FECH: variants seen among roughly 807,000 people sequenced by gnomAD.
The protein encoded by FECH is ferrochelatase, also known as ferrochelatase, mitochondrial.
In FECH, 40 loss-of-function variants were observed where a neutral mutation model predicts 56.9. The observed-to-expected ratio is 0.70, with a 90% CI of 0.55 to 0.92. FECH has a LOEUF of 0.92. FECH is among the 40% of genes least tolerant of loss of function. FECH has a pLI of 0.00. For synonymous variants in FECH, 175 were observed against 198.6 expected (o/e 0.88, Z 1.00); for missense variants, 431 against 529.1 (o/e 0.81, Z 1.82).
chr18:57,570,058 T>C (rs1179596924), intron 4 of FECH, among the ~76,000 whole-genome samples: 3 of 111,938 alleles, frequency 2.7e-5, no homozygotes, highest in African/African-American at 8.5e-5. Context: ...TGTGTGTGTG[T>C]GTGTGTGTGT....
At chr18:57,580,224 A>G (rs1265811040) in intron 1 of FECH, 25 bp from the exon 2 acceptor site, 1 of 1,614,066 alleles carries the variant, frequency 6.2e-7, no homozygotes, top group South Asian at 1.1e-5. Context: ...AAGTGCTCGC[A>G]TGAAATCTAG....
Position 57,548,617 on chromosome 18 carries a change from CA to C in FECH, c.*2094del, listed in dbSNP as rs1367170281. The stretch of plus-strand genomic sequence containing the variant: ...AAGCTCTAAAAAGATTTTGTCCTAC[CA>C]AACACTAGCCTAATGTATGACCGTT... On this transcript the variant is annotated 3_prime_UTR_variant, in exon 11 of 11. Coordinates refer to ENST00000262093, the MANE Select transcript of FECH (RefSeq NM_000140.5). 6.6e-6 allele frequency: 1 copy of C among 152,218 alleles called. No homozygotes were observed. Among genetic ancestry groups the C allele is most frequent in the Non-Finnish European group, 1.5e-5 (1 of 68,034 alleles). 9.4% of individuals were successfully genotyped at this position (152,218 alleles called of 1,614,324 possible).
rs2050757571 is a variant in FECH, at chr18:57,548,958, G to A, written c.*1754C>T. On this transcript the variant is annotated 3_prime_UTR_variant, in exon 11 of 11. Coordinates refer to ENST00000262093, the MANE Select transcript of FECH (RefSeq NM_000140.5). ...CTTGGGAAATATCCTTAAGGGGAGA[G>A]AGTGGCTCCAAAAATAACCTTCCTT... 6.6e-6 allele frequency: 1 copy of A among 152,112 alleles called. No homozygotes were observed. The highest frequency in any genetic ancestry group is 1.5e-5 in the Non-Finnish European group (1 of 68,044). 9.4% of individuals were successfully genotyped at this position (152,112 alleles called of 1,614,324 possible).
intron 8 of FECH, 35 bp downstream of exon 8, chr18:57,554,810 A>C: frequency 7.8e-6 from 12 of 1,538,382 alleles, no homozygotes; most frequent in Non-Finnish European, 9.0e-6. Flanking sequence ...TTTACCAATA[A>C]GAGCTGGCCG....
intron 2 of FECH, among the ~76,000 whole-genome samples, chr18:57,579,327 C>T (rs1389215026): frequency 1.4e-5 from 2 of 139,580 alleles, no homozygotes; most frequent in African/African-American, 2.7e-5. Flanking sequence ...ATATTCATAC[C>T]TGTATAATTT....
At chr18:57,572,537 AGG>A (rs2051125774) in intron 3 of FECH, among the ~76,000 whole-genome samples, 1 of 104,138 alleles carries the variant, frequency 9.6e-6, no homozygotes, top group African/African-American at 3.6e-5. Context: ...AAAAAAAAAA[AGG>A]AAAGTTTCAA....
At chr18:57,554,151 G>A in intron 9 of FECH, 109 bp downstream of exon 9, 1 of 1,207,906 alleles carries the variant, frequency 8.3e-7, no homozygotes, top group Non-Finnish European at 1.2e-6. Flanking sequence ...CACCGTACAT[G>A]CAAACAAATA....
intron 7 of FECH, among the ~76,000 whole-genome samples, chr18:57,556,502 G>T (rs2050868975): frequency 6.6e-6 from 1 of 152,200 alleles, no homozygotes; most frequent in Non-Finnish European, 1.5e-5. Flanking sequence ...CCGCACCCCT[G>T]TGGGTTCTTG....
rs1415542093 is a variant in FECH, at chr18:57,573,025, G to A, written c.314+221C>T. On this transcript the variant is annotated intron_variant, in intron 3 of 10. Coordinates refer to ENST00000262093, the MANE Select transcript of FECH (RefSeq NM_000140.5). The stretch of plus-strand genomic sequence containing the variant: ...GACAACTGCAATTTCCAGGGCTCTG[G>A]GGAGCAAAGGGCTCAAGGAGAATCC... 4 of 573,360 alleles carry A rather than the reference G, an allele frequency of 7.0e-6. No individual in the cohort carries two copies. In the East Asian group the frequency reaches 1.2e-4, roughly 17 times the overall value. The allele number at this position is 573,360 out of a possible 1,614,324, so 35.5% of individuals were successfully genotyped here. A position where few individuals can be genotyped will look rare whatever the true frequency, so the allele number is the denominator to read the frequency against.
chr18:57,554,496 C>A lies in FECH; in HGVS notation c.913-72G>T, dbSNP rs1192628164. 10 of 1,521,142 alleles carry A rather than the reference C, an allele frequency of 6.6e-6. No homozygotes were observed. The South Asian group carries it at 7.9e-5, about 12-fold the overall frequency. The allele number at this position is 1,521,142 out of a possible 1,614,324, so 94.2% of individuals were successfully genotyped here. A position where few individuals can be genotyped will look rare whatever the true frequency, so the allele number is the denominator to read the frequency against. Reference sequence around the variant, plus strand: ...GGTCTGTAGTACCCCTGTTTGCCCCCCTGGGCACACGCACTGCCCACTGCG... The same window carrying A: ...GGTCTGTAGTACCCCTGTTTGCCCCACTGGGCACACGCACTGCCCACTGCG... On this transcript the variant is annotated intron_variant, in intron 8 of 10. Transcript: ENST00000262093.
chr18:57,545,866 A>G lies in FECH; in HGVS notation c.*4846T>C, dbSNP rs1407843048. ...AAAATGATCAAAATTTTAGATATGC[A>G]GGATAAATATGTTCTGGGGATCTAA... is the stretch of plus-strand genomic sequence containing the variant. On this transcript the variant is annotated 3_prime_UTR_variant, in exon 11 of 11. Coordinates refer to ENST00000262093, the MANE Select transcript of FECH (RefSeq NM_000140.5). Among the ~76,000 whole-genome samples, 1 of 152,232 alleles carries G rather than the reference A, an allele frequency of 6.6e-6. No homozygotes were observed. Among genetic ancestry groups the G allele is most frequent in the East Asian group, 1.9e-4 (1 of 5,202 alleles).
At position 57,586,624 on chromosome 18, in the gene FECH, C is replaced by CT. The variant is rs1474232694; in HGVS notation, c.-5dup. 2 of 1,516,410 alleles carry CT rather than the reference C, an allele frequency of 1.3e-6. No individual in the cohort carries two copies. The highest frequency in any genetic ancestry group is 1.8e-6 in the Non-Finnish European group (2 of 1,138,692). The allele number at this position is 1,516,410 out of a possible 1,614,324, so 93.9% of individuals were successfully genotyped here. A position where few individuals can be genotyped will look rare whatever the true frequency, so the allele number is the denominator to read the frequency against. The stretch of plus-strand genomic sequence containing the variant: ...TGTTTGCGCCGAGTGAACGCATTGC[C>CT]TGGGCAGCCTCGGCCCGAGTCCGGG... On this transcript the variant is annotated 5_prime_UTR_variant, in exon 1 of 11. Transcript: ENST00000262093.
At chr18:57,551,446 T>C in intron 9 of FECH, 72 bp from the exon 10 acceptor site, 1 of 1,171,198 alleles carries the variant, frequency 8.5e-7, no homozygotes, top group Non-Finnish European at 1.3e-6. Context: ...AAGAAACTGC[T>C]ACAAAAAAAT....
At chr18:57,551,806 A>C (rs997877396) in intron 9 of FECH, among the ~76,000 whole-genome samples, 1 of 152,190 alleles carries the variant, frequency 6.6e-6, no homozygotes, top group African/African-American at 2.4e-5. Context: ...AATGAGGTAA[A>C]TTAACTTATC....
In FECH at chr18:57,545,006, A is replaced by G. The variant is rs982414931; in HGVS notation, c.*5706T>C. On this transcript the variant is annotated 3_prime_UTR_variant, in exon 11 of 11. Transcript: ENST00000262093. ...CTTTTTTTCAGATAAGGAAAAGGTA[A>G]AAATACAGAATACTACATGGATTAT... is the stretch of plus-strand genomic sequence containing the variant. Among the ~76,000 whole-genome samples the G allele has an allele frequency of 1.3e-5, 2 of 152,232 alleles. No homozygotes were observed. The highest frequency in any genetic ancestry group is 2.4e-5 in the African/African-American group (1 of 41,454).
rs1052112720 is a variant in FECH at position 57,547,374 on chromosome 18, G to A, written c.*3338C>T. ...AAATTGTAATCCCCATAATCCCCAC[G>A]TGTTGAGGGAGGGACCTGGTGGAAG... On this transcript the variant is annotated 3_prime_UTR_variant, in exon 11 of 11. Transcript: ENST00000262093. Among the ~76,000 whole-genome samples the A allele has an allele frequency of 2.6e-5, 4 of 152,100 alleles. No individual in the cohort carries two copies. Among genetic ancestry groups the A allele is most frequent in the Non-Finnish European group, 4.4e-5 (3 of 68,010 alleles).
At chr18:57,552,548 G>A (rs1003519324) in intron 9 of FECH, among the ~76,000 whole-genome samples, 1 of 151,770 alleles carries the variant, frequency 6.6e-6, no homozygotes, top group Non-Finnish European at 1.5e-5. Context: ...TTACAGGCAC[G>A]TACCACCACG....
At chr18:57,553,852 A>G (rs147202712) in intron 9 of FECH, among the ~76,000 whole-genome samples, 133 of 152,382 alleles carry the variant, frequency 8.7e-4, no homozygotes, top group African/African-American at 3.1e-3. Flanking sequence ...AAGCCATGTA[A>G]TAATAGCCCT....
At position 57,559,200 on chromosome 18, in the gene FECH, A is replaced by T. The variant is rs1440314721; in HGVS notation, c.749T>A (p.Leu250His). 6.2e-7 allele frequency: 1 copy of T among 1,613,900 alleles called. No individual in the cohort carries two copies. Among genetic ancestry groups the T allele is most frequent in the Non-Finnish European group, 8.5e-7 (1 of 1,179,834 alleles). ...HILKELDHFPLEKRSEVVILF... is the reference protein window; with the variant it reads ...HILKELDHFPHEKRSEVVILF... ...AATGACCACCTCGCTTCTCTTCTCA[A>T]GTGGAAAATGGTCCAGTTCCTTTAG... Residue 250 changes from leucine (L) to histidine (H), a missense_variant, in exon 7 of 11, where the codon CTT (leucine) becomes CAT (histidine). Coordinates refer to ENST00000262093, the MANE Select transcript of FECH (RefSeq NM_000140.5).
Sources: allele counts gnomAD v4.1 joint callset (sites outside exome capture counted in the v4.1 genomes callset), GRCh38; gene constraint gnomAD v4.1.1; transcripts MANE v1.5; gene names NCBI Gene and HGNC (gene_info 2026-07-23, HGNC 2026-07-21).